KCNMA1: variants seen among roughly 807,000 people sequenced by gnomAD.
The protein encoded by KCNMA1 is Calcium-activated potassium channel subunit alpha-1.
Under a neutral mutation model 140.0 loss-of-function variants are expected in KCNMA1, and 29 were observed. That is an observed-to-expected ratio of 0.21 (90% confidence interval 0.15 to 0.28). KCNMA1 has a LOEUF of 0.28. KCNMA1 is among the 10% of genes least tolerant of loss of function. The pLI is 1.00. For synonymous variants in KCNMA1, 612 were observed against 611.9 expected (o/e 1.00, Z 0.00); for missense variants, 880 against 1,602.2 (o/e 0.55, Z 7.70).
chr10:77,481,172 C>A (rs2098389370), intron 1 of KCNMA1, among the ~76,000 whole-genome samples: 2 of 151,326 alleles, frequency 1.3e-5, no homozygotes, highest in Admixed American at 6.6e-5. Context: ...TGCACACACA[C>A]ACATACACAC....
intron 2 of KCNMA1, among the ~76,000 whole-genome samples, chr10:77,304,062 A>T (rs2077120338): frequency 6.6e-6 from 1 of 152,200 alleles, no homozygotes; most frequent in Non-Finnish European, 1.5e-5. Flanking sequence ...ACACGAAGGA[A>T]TTGTGTTGAT....
intron 16 of KCNMA1, 161 bp from the exon 17 acceptor site, chr10:77,019,260 C>T (rs1394777353): frequency 1.4e-5 from 9 of 630,722 alleles, no homozygotes; most frequent in South Asian, 1.1e-4. Flanking sequence ...CTGCCCCATA[C>T]ATTTAGTTGG....
chr10:77,574,027 G>C (rs2073039568), intron 1 of KCNMA1, among the ~76,000 whole-genome samples: 1 of 151,762 alleles, frequency 6.6e-6, no homozygotes, highest in South Asian at 2.1e-4. Flanking sequence ...GTAGAGACAG[G>C]GTTTCACCAT....
At chr10:77,212,327 C>T (rs1455411793) in intron 3 of KCNMA1, among the ~76,000 whole-genome samples, 1 of 152,140 alleles carries the variant, frequency 6.6e-6, no homozygotes, top group Non-Finnish European at 1.5e-5. Context: ...GGCCATAATC[C>T]TAAGCAAATT....
At chr10:77,486,688 G>A (rs2098464559) in intron 1 of KCNMA1, among the ~76,000 whole-genome samples, 2 of 152,218 alleles carry the variant, frequency 1.3e-5, no homozygotes, top group South Asian at 4.1e-4. Context: ...CACTCCTGAA[G>A]CCAGGGAGGA....
At chr10:77,079,602 T>A in intron 12 of KCNMA1, 52 bp from the exon 13 acceptor site, 1 of 1,249,176 alleles carries the variant, frequency 8.0e-7, no homozygotes, top group East Asian at 2.3e-5. Context: ...GCATGGTGTC[T>A]GACAAAAAGA....
At chr10:77,522,359 T>C (rs1271765392) in intron 1 of KCNMA1, among the ~76,000 whole-genome samples, 9 of 152,088 alleles carry the variant, frequency 5.9e-5, no homozygotes, top group Admixed American at 5.2e-4. Flanking sequence ...TTTTCCTTAT[T>C]TAACTTTTTC....
At chr10:76,918,697 T>C (rs1272522809) in intron 23 of KCNMA1, among the ~76,000 whole-genome samples, 1 of 152,060 alleles carries the variant, frequency 6.6e-6, no homozygotes, top group Non-Finnish European at 1.5e-5. Flanking sequence ...CTCAAAGAAC[T>C]AAAAGTAGAT....
chr10:77,368,814 T>C (rs1403408514), intron 2 of KCNMA1, among the ~76,000 whole-genome samples: 1 of 152,208 alleles, frequency 6.6e-6, no homozygotes, highest in Non-Finnish European at 1.5e-5. Flanking sequence ...CATTGAATTG[T>C]CTTTGTACCT....
At chr10:77,109,784 C>T (rs1439917202) in intron 8 of KCNMA1, among the ~76,000 whole-genome samples, 2 of 152,150 alleles carry the variant, frequency 1.3e-5, no homozygotes, top group African/African-American at 4.8e-5. Context: ...CTTGAAACCG[C>T]AAACTGTCTC....
At chr10:77,134,688 C>G (rs2097945654) in intron 5 of KCNMA1, among the ~76,000 whole-genome samples, 1 of 151,996 alleles carries the variant, frequency 6.6e-6, no homozygotes, top group Non-Finnish European at 1.5e-5. Flanking sequence ...CTTGGCCCAA[C>G]AAAAGAAAGA....
intron 5 of KCNMA1, among the ~76,000 whole-genome samples, chr10:77,171,400 CGT>C (rs60927086): frequency 0.013 from 1,700 of 129,006 alleles, 17 homozygotes; most frequent in East Asian, 0.058. Context: ...TGTGTGTGTG[CGT>C]GTGTGTGTGT....
At chr10:77,622,069 T>C (rs1411850472) in intron 1 of KCNMA1, among the ~76,000 whole-genome samples, 2 of 152,144 alleles carry the variant, frequency 1.3e-5, no homozygotes, top group African/African-American at 2.4e-5. Flanking sequence ...GAGTTGTACA[T>C]TGAGTAACCT....
chr10:77,510,629 C>A (rs184750779), intron 1 of KCNMA1, among the ~76,000 whole-genome samples: 45 of 140,394 alleles, frequency 3.2e-4, no homozygotes, highest in African/African-American at 8.7e-4. Flanking sequence ...CCTGTCTCTA[C>A]AAAAAAAAAA....
chr10:77,313,592 G>C (rs71475647), intron 2 of KCNMA1, among the ~76,000 whole-genome samples: 3,357 of 152,274 alleles, frequency 0.022, 58 homozygotes, highest in Middle Eastern at 0.041. Flanking sequence ...AGGAAACTCA[G>C]GGAAAGCAGA....
Position 76,915,724 on chromosome 10 carries a change from GT to G in KCNMA1, c.2903-676del, listed in dbSNP as rs757978016. Among the ~76,000 whole-genome samples the G allele has an allele frequency of 2.0e-5, 3 of 152,272 alleles. No individual in the cohort carries two copies. In the East Asian group the frequency reaches 5.8e-4, roughly 29 times the overall value. ...TTGCTGGTGAGTGACTTAGGCCTCA[GT>G]TTTCACAGAGTTCTGGCCAATGGGA... On this transcript the variant is annotated intron_variant, in intron 23 of 27. Transcript: ENST00000286628.
chr10:77,563,075 G>A (rs1466166762), intron 1 of KCNMA1, among the ~76,000 whole-genome samples: 3 of 142,670 alleles, frequency 2.1e-5, no homozygotes, highest in Non-Finnish European at 3.1e-5. Flanking sequence ...AAAAAAAAAA[G>A]TTCAACTATT....
At chr10:77,133,849 C>T (rs1405164706) in intron 5 of KCNMA1, among the ~76,000 whole-genome samples, 1 of 151,998 alleles carries the variant, frequency 6.6e-6, no homozygotes, top group Non-Finnish European at 1.5e-5. Context: ...ACATATTAGG[C>T]CACAAAGAAA....
At chr10:77,519,877 T>C (rs972566703) in intron 1 of KCNMA1, among the ~76,000 whole-genome samples, 1 of 150,122 alleles carries the variant, frequency 6.7e-6, no homozygotes, top group South Asian at 2.1e-4. Context: ...AGGGTATACA[T>C]GAGGTCTGCA....
Sources: allele counts gnomAD v4.1 joint callset (sites outside exome capture counted in the v4.1 genomes callset), GRCh38; gene constraint gnomAD v4.1.1; transcripts MANE v1.5; gene names NCBI Gene and HGNC (gene_info 2026-07-23, HGNC 2026-07-21).